Variants in C3AR1 observed in about 807,000 individuals in gnomAD.
C3AR1 encodes C3a anaphylatoxin chemotactic receptor.
For missense variants in C3AR1, 579 were observed against 583.5 expected, an observed-to-expected ratio of 0.99 and a Z score of 0.08; for synonymous variants, 208 against 225.3, an observed-to-expected ratio of 0.92 and a Z score of 0.69.
In C3AR1 at chr12:8,058,729, C is replaced by A. The variant is rs1947222805; in HGVS notation, c.*8G>T. On this transcript the variant is annotated 3_prime_UTR_variant, in exon 2 of 2. Transcript: ENST00000307637. ...TAAGAGCCCCTGCTTGTTGGCTGCTCCACATTTTCACACAGTTGTACTATT... is the reference window on the plus strand; with the variant it reads ...TAAGAGCCCCTGCTTGTTGGCTGCTACACATTTTCACACAGTTGTACTATT... 1 of 1,588,166 alleles carries A rather than the reference C, an allele frequency of 6.3e-7. No individual in the cohort carries two copies. The highest frequency in any genetic ancestry group is 1.3e-5 in the African/African-American group (1 of 74,084).
In C3AR1 at chr12:8,062,261, A is replaced by AT. The variant is rs1208286602; in HGVS notation, c.-10-2067dup. ...GGGTGTAAATACATATTTTTTATAC[A>AT]TTTTTTTCTTTTTTCAGTTAGCAGT... On this transcript the variant is annotated intron_variant, in intron 1 of 1. Transcript: ENST00000307637. Among the ~76,000 whole-genome samples, 6 of 152,018 alleles carry AT rather than the reference A, an allele frequency of 3.9e-5. No homozygotes were observed. In the East Asian group the frequency reaches 9.6e-4, roughly 24 times the overall value.
chr12:8,065,564 G>A (rs558504747), intron 1 of C3AR1, among the ~76,000 whole-genome samples: 41 of 145,620 alleles, frequency 2.8e-4, no homozygotes, highest in Admixed American at 8.6e-4. Context: ...TGAGGCAGGA[G>A]AATCGCTTGA....
chr12:8,060,629 G>C (rs999364028), intron 1 of C3AR1, among the ~76,000 whole-genome samples: 1 of 152,070 alleles, frequency 6.6e-6, no homozygotes, highest in African/African-American at 2.4e-5. Flanking sequence ...TCCTGACCTC[G>C]GGTGATCTGC....
In C3AR1 at chr12:8,060,286, T is replaced by G. The variant is rs7968865; in HGVS notation, c.-10-91A>C. 5.1e-3 allele frequency: 5,619 copies of G among 1,098,032 alleles called. 185 individuals carry two copies. The African/African-American group carries it at 0.072, about 14-fold the overall frequency. 68.0% of individuals were successfully genotyped at this position (1,098,032 alleles called of 1,614,324 possible). A position where few individuals can be genotyped will look rare whatever the true frequency, so the allele number is the denominator to read the frequency against. Reference sequence around the variant, plus strand: ...GGATTCTAATCTTCCCACATAAAGATGTGGGATCATGAAACCAGAAGGTCC... The same window carrying G: ...GGATTCTAATCTTCCCACATAAAGAGGTGGGATCATGAAACCAGAAGGTCC... On this transcript the variant is annotated intron_variant, in intron 1 of 1. Transcript: ENST00000307637.
Position 8,059,898 on chromosome 12 carries a change from C to T in C3AR1, c.288G>A (p.Lys96=). The T allele has an allele frequency of 6.2e-7, 1 of 1,614,158 alleles. No individual in the cohort carries two copies. Among genetic ancestry groups the T allele is most frequent in the Non-Finnish European group, 8.5e-7 (1 of 1,180,040 alleles). The part of the protein sequence containing the change: ...GQWPYGRFLC[K]LIPSIIVLNM... ...TGAGGACAATGATGGAGGGGATGAG[C>T]TTGCATAGGAACCTGCCGTAGGGCC... is the stretch of plus-strand genomic sequence containing the variant. The change falls in exon 2 of 2, where the codon AAG becomes AAA. Residue 96 remains lysine, a synonymous_variant. Coordinates refer to ENST00000307637, the MANE Select transcript of C3AR1 (RefSeq NM_004054.4).
At chr12:8,061,516 G>A (rs1947273800) in intron 1 of C3AR1, among the ~76,000 whole-genome samples, 1 of 152,006 alleles carries the variant, frequency 6.6e-6, no homozygotes, top group Admixed American at 6.6e-5. Flanking sequence ...AGGCTGGAGT[G>A]CAGTGATACA....
Position 8,059,251 on chromosome 12 carries a change from TG to T in C3AR1, c.934del (p.Gln312LysfsTer9). The T allele has an allele frequency of 6.2e-7, 1 of 1,614,118 alleles. No homozygotes were observed. The highest frequency in any genetic ancestry group is 1.1e-5 in the South Asian group (1 of 91,082). On this transcript the variant is annotated frameshift_variant, in exon 2 of 2. Transcript: ENST00000307637. LOFTEE classifies it low-confidence loss of function (END_TRUNC). ...TAAATTGTAATAATCCTGGAAACCT[TG>T]TGGTAGCTCAGACTCGTAGAAGGAA... ...SNSFYESELP[Q>X]GFQDYYNLGQ...
chr12:8,056,844 T>C lies in C3AR1; in HGVS notation c.*1893A>G, dbSNP rs1947193946. On this transcript the variant is annotated 3_prime_UTR_variant, in exon 2 of 2. Transcript: ENST00000307637. ...ATATTCTGAATGTGAAACAAAAGGATTCATAAATCTCTGAGCCTCGCAAGG... is the reference window on the plus strand; with the variant it reads ...ATATTCTGAATGTGAAACAAAAGGACTCATAAATCTCTGAGCCTCGCAAGG... 6.6e-6 allele frequency among the ~76,000 whole-genome samples: 1 copy of C among 152,110 alleles called. No individual in the cohort carries two copies. Among genetic ancestry groups the C allele is most frequent in the African/African-American group, 2.4e-5 (1 of 41,410 alleles).
intron 1 of C3AR1, among the ~76,000 whole-genome samples, chr12:8,065,574 A>G (rs1475778638): frequency 6.7e-6 from 1 of 148,166 alleles, no homozygotes; most frequent in Non-Finnish European, 1.5e-5. Flanking sequence ...GAATCGCTTG[A>G]ACCTGGGAGG....
chr12:8,062,949 C>CTTTTTTTTT lies in C3AR1; in HGVS notation c.-10-2763_-10-2755dup, dbSNP rs71451936. Among the ~76,000 whole-genome samples, 72 of 56,320 alleles carry CTTTTTTTTT rather than the reference C, an allele frequency of 1.3e-3. 4 individuals carry two copies. The highest frequency in any genetic ancestry group is 4.8e-3 in the African/African-American group (67 of 14,008). 36.9% of individuals were successfully genotyped at this position (56,320 alleles called of 152,430 possible). A position where few individuals can be genotyped will look rare whatever the true frequency, so the allele number is the denominator to read the frequency against. ...CAGGCGTGAGCCACCGCGCCCGGCC[C>CTTTTTTTTT]TTTTTTTTTTTTTTTTTTTTTTTTT... On this transcript the variant is annotated intron_variant, in intron 1 of 1. Coordinates refer to ENST00000307637, the MANE Select transcript of C3AR1 (RefSeq NM_004054.4).
At chr12:8,063,699 A>G (rs1303012579) in intron 1 of C3AR1, among the ~76,000 whole-genome samples, 1 of 152,152 alleles carries the variant, frequency 6.6e-6, no homozygotes, top group Non-Finnish European at 1.5e-5. Flanking sequence ...AAACTTTATG[A>G]TGGTAAAAAG....
At chr12:8,064,689 C>CAAA (rs59800369) in intron 1 of C3AR1, among the ~76,000 whole-genome samples, 2 of 129,464 alleles carry the variant, frequency 1.5e-5, no homozygotes, top group Non-Finnish European at 1.6e-5. Context: ...AACTCCATCT[C>CAAA]AAAAAAAAAA....
At chr12:8,064,857 T>TTTG (rs766088035) in intron 1 of C3AR1, among the ~76,000 whole-genome samples, 9 of 151,644 alleles carry the variant, frequency 5.9e-5, no homozygotes, top group East Asian at 1.9e-4. Context: ...CTCTCCTCAT[T>TTTG]TTGTTGTTGT....
rs766744853 is a variant in C3AR1 at position 8,063,029 on chromosome 12, C to T, written c.-10-2834G>A. 8.2e-5 allele frequency among the ~76,000 whole-genome samples: 11 copies of T among 133,438 alleles called. No homozygotes were observed. The Admixed American group carries it at 9.4e-4, about 11-fold the overall frequency. The allele number at this position is 133,438 out of a possible 152,430, so 87.5% of individuals were successfully genotyped here. A position where few individuals can be genotyped will look rare whatever the true frequency, so the allele number is the denominator to read the frequency against. On this transcript the variant is annotated intron_variant, in intron 1 of 1. Transcript: ENST00000307637. Reference sequence around the variant, plus strand: ...CTGGAGTGCAATGGTGCGATCTCGGCTCACTACAGCCTCCGCATCCCGGGT... The same window carrying T: ...CTGGAGTGCAATGGTGCGATCTCGGTTCACTACAGCCTCCGCATCCCGGGT...
intron 1 of C3AR1, among the ~76,000 whole-genome samples, chr12:8,066,060 A>G (rs1279121965): frequency 1.3e-5 from 2 of 150,106 alleles, no homozygotes; most frequent in South Asian, 2.1e-4. Flanking sequence ...GAAATGATGT[A>G]AAAATTCACT....
In C3AR1 at chr12:8,058,868, T is replaced by C. The variant is rs149439425; in HGVS notation, c.1318A>G (p.Lys440Glu). 9 of 1,613,990 alleles carry C rather than the reference T, an allele frequency of 5.6e-6. No homozygotes were observed. In the African/African-American group the frequency reaches 1.2e-4, roughly 22 times the overall value. ...FNPFLYALLG[K>E]DFRKKARQSI... ...TGCCTTGCTTTCTTCCTAAAATCTTTCCCCAAGAGGGCATAAAGGAAGGGA... is the reference window on the plus strand; with the variant it reads ...TGCCTTGCTTTCTTCCTAAAATCTTCCCCCAAGAGGGCATAAAGGAAGGGA... The change falls in exon 2 of 2, where the codon AAA becomes GAA. Residue 440 changes from lysine to glutamate, a missense_variant. Lys to Glu is a moderately conservative substitution (Grantham distance 56, BLOSUM62 1). Transcript: ENST00000307637.
rs144822993 is a variant in C3AR1, at chr12:8,058,874, A to G, written c.1312T>C (p.Leu438=). The change falls in exon 2 of 2, where the codon TTG becomes CTG. Residue 438 remains leucine, a synonymous_variant. Transcript: ENST00000307637. ...GCTTTCTTCCTAAAATCTTTCCCCAAGAGGGCATAAAGGAAGGGATTAAAG... is the reference window on the plus strand; with the variant it reads ...GCTTTCTTCCTAAAATCTTTCCCCAGGAGGGCATAAAGGAAGGGATTAAAG... ...SCFNPFLYAL[L]GKDFRKKARQ... is the part of the protein sequence containing the mutation. The G allele has an allele frequency of 1.2e-5, 19 of 1,614,060 alleles. No homozygotes were observed. Among genetic ancestry groups the G allele is most frequent in the Non-Finnish European group, 1.4e-5 (17 of 1,180,036 alleles).
At chr12:8,060,384 A>T (rs11057075) in intron 1 of C3AR1, among the ~76,000 whole-genome samples, 189 bp from the exon 2 acceptor site, 2,640 of 152,152 alleles carry the variant, frequency 0.017, 71 homozygotes, top group African/African-American at 0.06. Flanking sequence ...AGACAATTAT[A>T]TTTATTTATT....
chr12:8,059,639 C>G lies in C3AR1; in HGVS notation c.547G>C (p.Asp183His), dbSNP rs778104186. The part of the protein sequence containing the change: ...GYKFGLSSSL[D>H]YPDFYGDPLE... The stretch of plus-strand genomic sequence containing the variant: ...GGATCTCCATAAAAGTCTGGATAAT[C>G]TAATGAGCTGGAGAGACCAAATTTG... Residue 183 changes from aspartate to histidine, a missense_variant, in exon 2 of 2, where the codon GAT becomes CAT. Physicochemically the swap from Asp to His is moderately conservative, Grantham distance 81 (BLOSUM62 -1). Coordinates refer to ENST00000307637, the MANE Select transcript of C3AR1 (RefSeq NM_004054.4). 6.2e-7 allele frequency: 1 copy of G among 1,614,180 alleles called. No homozygotes were observed. The highest frequency in any genetic ancestry group is 8.5e-7 in the Non-Finnish European group (1 of 1,180,030).
Sources: gnomAD v4.1 joint callset for allele counts (sites outside exome capture counted in the v4.1 genomes callset) on GRCh38, gnomAD v4.1.1 for gene constraint, MANE v1.5 for transcripts, NCBI Gene and HGNC (gene_info 2026-07-23, HGNC 2026-07-21) for gene names.